The following WWC2 variants were observed in gnomAD, a reference collection of about 807,000 sequenced individuals.
WWC2 encodes the protein protein WWC2.
Under a neutral mutation model 138.5 loss-of-function variants are expected in WWC2, and 101 were observed. That is an observed-to-expected ratio of 0.73 (90% CI 0.62 to 0.86). WWC2 has a LOEUF of 0.86. Ranked by LOEUF, WWC2 falls within the 40% of genes least tolerant of loss-of-function variation. The probability of loss-of-function intolerance (pLI) is 0.00; values close to 1 mark genes in which losing one functional copy is unlikely to be tolerated. For synonymous variants in WWC2, 558 were observed against 538.4 expected, an observed-to-expected ratio of 1.04 and a Z score of -0.50; for missense variants, 1,420 against 1,419.4, an observed-to-expected ratio of 1.00 and a Z score of -0.01.
At chr4:183,260,814 T>C in intron 10 of WWC2, 96 bp from the exon 11 acceptor site, 2 of 1,461,644 alleles carry the variant, frequency 1.4e-6, no homozygotes, top group Admixed American at 2.3e-5. Context: ...CTTTAGCAGG[T>C]TTCTTCCCTC....
At position 183,200,162 on chromosome 4, in the gene WWC2, C is replaced by G. The variant is rs193212620; in HGVS notation, c.241+6454C>G. On this transcript the variant is annotated intron_variant, in intron 2 of 22. Coordinates refer to ENST00000403733, the MANE Select transcript of WWC2 (RefSeq NM_024949.6). Reference sequence around the variant, plus strand: ...AAACCAGTCTACTGGAGTGTTTTTCCTGACCTATCCAAGACAAATGCTGAT... The same window carrying G: ...AAACCAGTCTACTGGAGTGTTTTTCGTGACCTATCCAAGACAAATGCTGAT... 1.5e-4 allele frequency among the ~76,000 whole-genome samples: 23 copies of G among 152,208 alleles called. No individual in the cohort carries two copies. In the East Asian group the frequency reaches 4.4e-3, roughly 29 times the overall value.
At chr4:183,223,950 C>T (rs1166866323) in intron 4 of WWC2, among the ~76,000 whole-genome samples, 2 of 152,102 alleles carry the variant, frequency 1.3e-5, no homozygotes, top group Admixed American at 6.5e-5. Context: ...AGGCTGGTCT[C>T]GAACTCCTGA....
chr4:183,134,131 C>T (rs1309992507), intron 1 of WWC2, among the ~76,000 whole-genome samples: 1 of 151,892 alleles, frequency 6.6e-6, no homozygotes, highest in Non-Finnish European at 1.5e-5. Flanking sequence ...TATATAACAT[C>T]TGTTGTCTCT....
intron 21 of WWC2, among the ~76,000 whole-genome samples, chr4:183,306,658 C>T (rs1013839485): frequency 3.2e-5 from 4 of 125,910 alleles, no homozygotes; most frequent in Admixed American, 3.1e-4. Context: ...TCCTGAGTAG[C>T]TGGGATTATA....
At chr4:183,256,254 C>T (rs1444888512) in intron 9 of WWC2, among the ~76,000 whole-genome samples, 1 of 152,182 alleles carries the variant, frequency 6.6e-6, no homozygotes, top group East Asian at 1.9e-4. Flanking sequence ...GACATTCTTG[C>T]TTGATCAGCT....
intron 4 of WWC2, among the ~76,000 whole-genome samples, chr4:183,214,259 A>G (rs1327481735): frequency 6.6e-6 from 1 of 152,202 alleles, no homozygotes; most frequent in African/African-American, 2.4e-5. Flanking sequence ...TCAAGTATGT[A>G]CTGCTCACAC....
At chr4:183,239,580 G>A (rs1368285701) in intron 4 of WWC2, among the ~76,000 whole-genome samples, 1 of 152,122 alleles carries the variant, frequency 6.6e-6, no homozygotes, top group Non-Finnish European at 1.5e-5. Context: ...GGATACAGCT[G>A]GTGGGTTGCA....
chr4:183,303,741 A>G (rs2111105774), intron 21 of WWC2, among the ~76,000 whole-genome samples: 2 of 152,348 alleles, frequency 1.3e-5, no homozygotes, highest in Middle Eastern at 6.8e-3. Context: ...AGGTGTTTTT[A>G]AAACTCAAAG....
intron 4 of WWC2, among the ~76,000 whole-genome samples, chr4:183,223,095 T>G (rs190779934): frequency 6.6e-6 from 1 of 152,264 alleles, no homozygotes; most frequent in Non-Finnish European, 1.5e-5. Context: ...CTTTCTATCT[T>G]TTGATATGTT....
At chr4:183,214,185 G>T (rs971040067) in intron 4 of WWC2, among the ~76,000 whole-genome samples, 1 of 152,136 alleles carries the variant, frequency 6.6e-6, no homozygotes, top group African/African-American at 2.4e-5. Flanking sequence ...TATTTGCACC[G>T]CATTCCAAAC....
chr4:183,248,906 G>A, intron 7 of WWC2, 46 bp downstream of exon 7: 1 of 1,462,884 alleles, frequency 6.8e-7, no homozygotes, highest in South Asian at 1.4e-5. Flanking sequence ...GTCCTTGATG[G>A]GCCTTAATTG....
chr4:183,147,494 T>C (rs1338583975), intron 1 of WWC2, among the ~76,000 whole-genome samples: 1 of 152,222 alleles, frequency 6.6e-6, no homozygotes. Context: ...CTCAGATCAC[T>C]CTGTTGTTAT....
At chr4:183,155,003 A>G (rs1733757383) in intron 1 of WWC2, among the ~76,000 whole-genome samples, 1 of 152,234 alleles carries the variant, frequency 6.6e-6, no homozygotes, top group South Asian at 2.1e-4. Flanking sequence ...ATTATAGAAT[A>G]AGCACATGCT....
At chr4:183,147,988 A>T (rs1733513071) in intron 1 of WWC2, among the ~76,000 whole-genome samples, 2 of 151,764 alleles carry the variant, frequency 1.3e-5, no homozygotes, top group African/African-American at 4.8e-5. Flanking sequence ...TGAGTAGTTA[A>T]AAAAAAAGCA....
At chr4:183,205,259 A>G (rs1186605682) in intron 2 of WWC2, among the ~76,000 whole-genome samples, 1 of 152,336 alleles carries the variant, frequency 6.6e-6, no homozygotes, top group South Asian at 2.1e-4. Flanking sequence ...GCCATTTTAC[A>G]TAGTGAGCAA....
At chr4:183,177,573 CATT>C (rs1734502549) in intron 1 of WWC2, among the ~76,000 whole-genome samples, 1 of 151,726 alleles carries the variant, frequency 6.6e-6, no homozygotes, top group African/African-American at 2.4e-5. Context: ...TTAATAAATA[CATT>C]ATATATAAAA....
At chr4:183,178,785 A>G (rs1352712929) in intron 1 of WWC2, among the ~76,000 whole-genome samples, 2 of 152,204 alleles carry the variant, frequency 1.3e-5, no homozygotes, top group Non-Finnish European at 2.9e-5. Flanking sequence ...TTCAGGGCGC[A>G]TAATCGAGAA....
intron 21 of WWC2, among the ~76,000 whole-genome samples, chr4:183,310,572 C>T (rs1467901951): frequency 2.0e-5 from 3 of 152,066 alleles, no homozygotes; most frequent in African/African-American, 7.2e-5. Flanking sequence ...GTGATCATAG[C>T]TCACTGCAGC....
chr4:183,312,011 AT>A (rs944466171), intron 21 of WWC2, among the ~76,000 whole-genome samples: 2 of 152,184 alleles, frequency 1.3e-5, no homozygotes, highest in Non-Finnish European at 2.9e-5. Flanking sequence ...AACTGTAGAT[AT>A]TTTTTGGAAA....
Sources: gnomAD v4.1 joint callset for allele counts (sites outside exome capture counted in the v4.1 genomes callset) on GRCh38, gnomAD v4.1.1 for gene constraint, MANE v1.5 for transcripts, NCBI Gene and HGNC (gene_info 2026-07-23, HGNC 2026-07-21) for gene names.